The following TXLNB variants were observed in gnomAD, a reference collection of about 807,000 sequenced individuals.
TXLNB encodes beta-taxilin.
A neutral mutation model predicts 57.4 loss-of-function variants in TXLNB; 37 were observed. The observed-to-expected ratio is 0.64, with a 90% confidence interval of 0.50 to 0.85. The LOEUF (loss-of-function observed/expected upper bound fraction) is 0.85, where lower values mean the gene tolerates loss of function less well. Among genes scored for constraint, TXLNB ranks in the 40% least tolerant of loss-of-function variants. The probability of loss-of-function intolerance (pLI) is 0.00; values close to 1 mark genes in which losing one functional copy is unlikely to be tolerated. For synonymous variants in TXLNB, 302 were observed against 309.6 expected (o/e 0.98, Z 0.26); for missense variants, 848 against 825.6 (o/e 1.03, Z -0.33).
the TXLNB span, among the ~76,000 whole-genome samples, chr6:139,307,245 A>G: frequency 1.3e-5 from 2 of 152,216 alleles, no homozygotes; most frequent in African/African-American, 4.8e-5. Context: ...TTTGCCGCTC[A>G]GGCTGGCACA....
the TXLNB span, among the ~76,000 whole-genome samples, chr6:139,314,577 C>T: frequency 2.6e-5 from 4 of 152,326 alleles, no homozygotes; most frequent in Admixed American, 1.3e-4. Context: ...CTTGACCACA[C>T]GTTCTCAGGA....
At chr6:139,203,567 T>C in the TXLNB span, 18 of 152,374 alleles carry the variant, frequency 1.2e-4, no homozygotes, top group Admixed American at 7.2e-4. Flanking sequence ...TGGCTTTTTT[T>C]CCCCTACCTC....
Position 139,242,630 on chromosome 6 carries a change from T to G in TXLNB, c.1951A>C (p.Ser651Arg). The G allele has an allele frequency of 6.2e-7, 1 of 1,603,728 alleles. No homozygotes were observed. Among genetic ancestry groups the G allele is most frequent in the Non-Finnish European group, 8.5e-7 (1 of 1,175,376 alleles). Residue 651 changes from serine to arginine, a missense_variant, in exon 10 of 10, where the codon AGT becomes CGT. Ser to Arg is a moderately radical substitution (Grantham distance 110). Coordinates refer to ENST00000358430, the MANE Select transcript of TXLNB (RefSeq NM_153235.4). ...GCTGCTGCTCGTGGGGGCTGCCTAC[T>G]GGGCTCGCATGCAGGCACCATGGCT... Reference protein sequence around the residue: ...VAAMVPACEPSRQPPRAAAEE... With the variant: ...VAAMVPACEPRRQPPRAAAEE...
chr6:139,166,314 G>A, the TXLNB span: 4 of 1,611,216 alleles, frequency 2.5e-6, no homozygotes, highest in Non-Finnish European at 3.4e-6. Context: ...CTGATCTGCA[G>A]CTTCGGTAGG....
At chr6:139,247,706 T>G in intron 8 of TXLNB, 111 bp downstream of exon 8, 1 of 695,768 alleles carries the variant, frequency 1.4e-6, no homozygotes, top group South Asian at 2.1e-5. Context: ...AACATTTCAT[T>G]ACTTTGTGAA....
intron 1 of TXLNB, 89 bp from the exon 2 acceptor site, chr6:139,289,002 G>T: frequency 1.1e-6 from 1 of 907,656 alleles, no homozygotes; most frequent in Non-Finnish European, 1.7e-6. Context: ...TCCCCCAAGT[G>T]AATACCAACT....
At chr6:139,208,379 C>T in the TXLNB span, among the ~76,000 whole-genome samples, 6 of 152,028 alleles carry the variant, frequency 3.9e-5, no homozygotes, top group East Asian at 1.9e-4. Flanking sequence ...AAAAAGAATT[C>T]GTGACAATCC....
chr6:139,226,072 G>T, the TXLNB span, among the ~76,000 whole-genome samples: 1 of 152,006 alleles, frequency 6.6e-6, no homozygotes, highest in Non-Finnish European at 1.5e-5. Context: ...GCTGAGGCAT[G>T]TGGATCGCTG....
upstream of TXLNB, among the ~76,000 whole-genome samples, chr6:139,292,733 T>C (rs562289478): frequency 6.6e-6 from 1 of 152,352 alleles, no homozygotes; most frequent in African/African-American, 2.4e-5. This position sits in a 1 kb window ranked among gnomAD's most constrained non-coding sequence, Gnocchi z 4.0. Context: ...CTTTCCCACA[T>C]TTTGTAAATC....
chr6:139,189,452 G>C, the TXLNB span, among the ~76,000 whole-genome samples: 2 of 152,290 alleles, frequency 1.3e-5, no homozygotes, highest in Admixed American at 1.3e-4. Flanking sequence ...ATTGAGGTTA[G>C]AGCAAGTACT....
At chr6:139,302,609 C>CAAAAAAA in the TXLNB span, among the ~76,000 whole-genome samples, 1 of 118,128 alleles carries the variant, frequency 8.5e-6, no homozygotes, top group African/African-American at 3.0e-5. Context: ...ACTAAAAATA[C>CAAAAAAA]AAAAAAAAAA....
In TXLNB at chr6:139,242,963, C is replaced by T. The variant is rs763530443; in HGVS notation, c.1618G>A (p.Glu540Lys). Residue 540 changes from glutamate to lysine, a missense_variant, in exon 10 of 10, where the codon GAG becomes AAG. Transcript: ENST00000358430. The part of the protein sequence containing the change: ...SQESADAALK[E>K]PEQPPLIPSR... ...GGGATCAGAGGGGGTTGCTCTGGCTCCTTGAGAGCGGCGTCAGCACTCTCC... is the reference window on the plus strand; with the variant it reads ...GGGATCAGAGGGGGTTGCTCTGGCTTCTTGAGAGCGGCGTCAGCACTCTCC... 2.5e-6 allele frequency: 4 copies of T among 1,614,118 alleles called. No homozygotes were observed. The highest frequency in any genetic ancestry group is 1.1e-5 in the South Asian group (1 of 91,078).
chr6:139,261,764 C>A (rs1451369676), intron 5 of TXLNB, among the ~76,000 whole-genome samples: 1 of 151,796 alleles, frequency 6.6e-6, no homozygotes, highest in Non-Finnish European at 1.5e-5. Flanking sequence ...CAATTAAATG[C>A]CATATGGTAT....
At chr6:139,195,077 GCCTT>G in the TXLNB span, among the ~76,000 whole-genome samples, 1 of 152,114 alleles carries the variant, frequency 6.6e-6, no homozygotes, top group Non-Finnish European at 1.5e-5. Flanking sequence ...TTTCTCAAGG[GCCTT>G]CAGGGAGAAT....
the TXLNB span, among the ~76,000 whole-genome samples, chr6:139,222,662 C>T: frequency 3.9e-5 from 6 of 152,182 alleles, no homozygotes; most frequent in Non-Finnish European, 8.8e-5. Flanking sequence ...CAAAATTAGC[C>T]GGGCCTGGTG....
chr6:139,278,602 A>AGAG (rs756645764), intron 2 of TXLNB, among the ~76,000 whole-genome samples: 8 of 150,018 alleles, frequency 5.3e-5, no homozygotes, highest in Non-Finnish European at 8.8e-5. Context: ...ATCTCAAGTT[A>AGAG]GAGTGTCATC....
chr6:139,307,214 T>C, the TXLNB span, among the ~76,000 whole-genome samples: 7 of 152,158 alleles, frequency 4.6e-5, no homozygotes, highest in Non-Finnish European at 7.3e-5. Context: ...TTTGTTTTGT[T>C]TTTTAGAGAT....
chr6:139,227,726 A>T, the TXLNB span, among the ~76,000 whole-genome samples: 7 of 152,200 alleles, frequency 4.6e-5, no homozygotes, highest in African/African-American at 7.2e-5. Context: ...TACTCCTACA[A>T]GCCAAAACGT....
Position 139,285,257 on chromosome 6 carries a change from A to AACACACAC in TXLNB, c.424+3211_424+3218dup, listed in dbSNP as rs57409101. 9.9e-4 allele frequency among the ~76,000 whole-genome samples: 119 copies of AACACACAC among 120,078 alleles called. 3 individuals carry two copies. The highest frequency in any genetic ancestry group is 2.2e-3 in the African/African-American group (71 of 32,046). The allele number at this position is 120,078 out of a possible 152,430, so 78.8% of individuals were successfully genotyped here. The stretch of plus-strand genomic sequence containing the variant: ...CTATTTTCTTCATATCTTTCCCCTC[A>AACACACAC]ACACACACACACACACACACACACA... On this transcript the variant is annotated intron_variant, in intron 2 of 9. Coordinates refer to ENST00000358430, the MANE Select transcript of TXLNB (RefSeq NM_153235.4).
Sources: allele counts gnomAD v4.1 joint callset (sites outside exome capture counted in the v4.1 genomes callset), GRCh38; gene constraint gnomAD v4.1.1; non-coding constraint Gnocchi (gnomAD v3.1); transcripts MANE v1.5; gene names NCBI Gene and HGNC (gene_info 2026-07-23, HGNC 2026-07-21).